The following MYRIP variants were observed in gnomAD, a reference collection of about 807,000 sequenced individuals.
MYRIP encodes myosin VIIA and Rab interacting protein, also known as rab effector MyRIP.
Under a neutral mutation model 98.0 loss-of-function variants are expected in MYRIP, and 49 were observed. The ratio of observed to expected loss-of-function variants is 0.50; its 90% CI spans 0.40 to 0.63. MYRIP has a LOEUF of 0.63. MYRIP is among the 30% of genes least tolerant of loss of function. MYRIP has a pLI of 0.00. For missense variants in MYRIP, 1,004 were observed against 1,058.2 expected (o/e 0.95, Z 0.71); for synonymous variants, 404 against 409.5 (o/e 0.99, Z 0.16).
chr3:40,045,880 T>C (rs1947659635), intron 3 of MYRIP, among the ~76,000 whole-genome samples: 2 of 151,908 alleles, frequency 1.3e-5, no homozygotes, highest in Non-Finnish European at 2.9e-5. Flanking sequence ...TATGGATGGA[T>C]GGGGAGAAAA....
intron 11 of MYRIP, among the ~76,000 whole-genome samples, chr3:40,225,606 C>T (rs918712489): frequency 3.3e-5 from 5 of 152,178 alleles, no homozygotes; most frequent in African/African-American, 1.2e-4. Flanking sequence ...AGCTCCACAT[C>T]TTCTTCACTG....
chr3:39,964,553 AG>A (rs1371417766), intron 2 of MYRIP, among the ~76,000 whole-genome samples: 1 of 152,116 alleles, frequency 6.6e-6, no homozygotes, highest in African/African-American at 2.4e-5. Flanking sequence ...AATTGGGTAA[AG>A]GTTGATTTTT....
At chr3:40,192,351 T>TGTCATATATATGTC (rs1445514376) in intron 10 of MYRIP, among the ~76,000 whole-genome samples, 1 of 137,964 alleles carries the variant, frequency 7.2e-6, no homozygotes, top group Admixed American at 7.4e-5. Flanking sequence ...GTCATATATA[T>TGTCATATATATGTC]ATTTATATTT....
chr3:39,950,513 G>A (rs1944984808), intron 2 of MYRIP, among the ~76,000 whole-genome samples: 1 of 152,104 alleles, frequency 6.6e-6, no homozygotes, highest in South Asian at 2.1e-4. Context: ...TATGAATTCT[G>A]AGATGATTGC....
At chr3:40,138,717 A>G (rs1013004513) in intron 3 of MYRIP, among the ~76,000 whole-genome samples, 4 of 152,124 alleles carry the variant, frequency 2.6e-5, no homozygotes, top group African/African-American at 7.2e-5. Context: ...GTACATAGTG[A>G]TATTTTGATA....
chr3:39,925,958 A>C (rs538004257), intron 2 of MYRIP, among the ~76,000 whole-genome samples: 29 of 152,224 alleles, frequency 1.9e-4, no homozygotes, highest in African/African-American at 6.7e-4. Context: ...ACAGTGTGTA[A>C]GTGTTATCTT....
At chr3:39,875,334 A>G (rs1475782391) in intron 1 of MYRIP, among the ~76,000 whole-genome samples, 2 of 151,292 alleles carry the variant, frequency 1.3e-5, no homozygotes, top group Non-Finnish European at 2.9e-5. Flanking sequence ...TTGTGTCTCT[A>G]TTTCCTTCAG....
At chr3:40,148,987 C>A (rs1022131095) in intron 3 of MYRIP, among the ~76,000 whole-genome samples, 1 of 152,214 alleles carries the variant, frequency 6.6e-6, no homozygotes, top group Non-Finnish European at 1.5e-5. Context: ...CAGGCTTTGC[C>A]TTGGTGTACG....
intron 10 of MYRIP, among the ~76,000 whole-genome samples, chr3:40,207,774 A>G (rs78324477): frequency 0.041 from 6,172 of 152,274 alleles, 305 homozygotes; most frequent in African/African-American, 0.11. Flanking sequence ...GATAATATTT[A>G]CTCATCAATT....
Position 40,170,022 on chromosome 3 carries a change from T to G in MYRIP, c.802T>G (p.Cys268Gly). Residue 268 changes from cysteine to glycine, a missense_variant, in exon 8 of 17, where the codon TGC becomes GGC. Cys to Gly is a radical substitution (Grantham distance 159). Coordinates refer to ENST00000302541, the MANE Select transcript of MYRIP (RefSeq NM_015460.4). ...EEPGWPHPQS[C>G]STKVADEGTS... ...GCCAGGATGGCCACATCCCCAGAGT[T>G]GCAGCACAAAGGTGGCAGATGAGGG... The G allele has an allele frequency of 6.2e-7, 1 of 1,614,206 alleles. No homozygotes were observed. The highest frequency in any genetic ancestry group is 8.5e-7 in the Non-Finnish European group (1 of 1,180,036).
At chr3:39,812,599 T>C (rs1480449715) in intron 1 of MYRIP, among the ~76,000 whole-genome samples, 3 of 152,222 alleles carry the variant, frequency 2.0e-5, no homozygotes, top group East Asian at 1.9e-4. Context: ...TATTAAAATA[T>C]GAATGAAGAA....
intron 2 of MYRIP, among the ~76,000 whole-genome samples, chr3:39,903,107 C>G (rs535534136): frequency 1.3e-5 from 2 of 152,282 alleles, no homozygotes; most frequent in South Asian, 2.1e-4. Flanking sequence ...CAGTGACATG[C>G]CTTGATAGCT....
intron 3 of MYRIP, among the ~76,000 whole-genome samples, chr3:40,053,544 A>T (rs1193990385): frequency 1.3e-5 from 2 of 152,158 alleles, no homozygotes; most frequent in Non-Finnish European, 2.9e-5. Flanking sequence ...TTTTCAGATG[A>T]GTTGTTTCAT....
chr3:40,095,826 T>C (rs1948818797), intron 3 of MYRIP, among the ~76,000 whole-genome samples: 1 of 151,562 alleles, frequency 6.6e-6, no homozygotes, highest in Non-Finnish European at 1.5e-5. Flanking sequence ...ACAGACCCTC[T>C]TCTATCCTCC....
At chr3:39,929,776 G>C (rs11713885) in intron 2 of MYRIP, among the ~76,000 whole-genome samples, 55,936 of 150,972 alleles carry the variant, frequency 0.37, 10,631 homozygotes, top group East Asian at 0.45. Context: ...ACTTTTTTTT[G>C]CCCTATGGAT....
chr3:40,177,390 C>T (rs1449812828), intron 8 of MYRIP, among the ~76,000 whole-genome samples: 1 of 152,128 alleles, frequency 6.6e-6, no homozygotes, highest in Admixed American at 6.5e-5. Context: ...TGTGGAGGGC[C>T]CTAAACCTGT....
intron 3 of MYRIP, among the ~76,000 whole-genome samples, chr3:40,130,021 G>GT (rs1441764255): frequency 6.6e-6 from 1 of 152,134 alleles, no homozygotes; most frequent in African/African-American, 2.4e-5. Context: ...TGTTAAGTAG[G>GT]TTTTTTTAGG....
At chr3:40,092,885 G>A (rs147201754) in intron 3 of MYRIP, among the ~76,000 whole-genome samples, 16 of 152,248 alleles carry the variant, frequency 1.1e-4, no homozygotes, top group East Asian at 5.8e-4. Flanking sequence ...CTGTGTTCCC[G>A]TCGCAGGAGT....
chr3:39,849,634 AAGG>A (rs1256577356), intron 1 of MYRIP, among the ~76,000 whole-genome samples: 4 of 152,154 alleles, frequency 2.6e-5, no homozygotes, highest in Non-Finnish European at 4.4e-5. Context: ...AATTTGTTAA[AAGG>A]AGGATTTTTG....
Sources: allele counts gnomAD v4.1 joint callset (sites outside exome capture counted in the v4.1 genomes callset), GRCh38; gene constraint gnomAD v4.1.1; transcripts MANE v1.5; gene names NCBI Gene and HGNC (gene_info 2026-07-23, HGNC 2026-07-21).